The following LSAMP variants were observed in gnomAD, a reference collection of about 807,000 sequenced individuals.
LSAMP encodes the protein limbic system-associated membrane protein.
In LSAMP, 7 loss-of-function variants were observed where a neutral mutation model predicts 38.6. The ratio of observed to expected loss-of-function variants is 0.18; its 90% confidence interval spans 0.10 to 0.34. The LOEUF (loss-of-function observed/expected upper bound fraction) is 0.34, where lower values mean the gene tolerates loss of function less well. LSAMP is among the 10% of genes least tolerant of loss of function. LSAMP has a pLI of 1.00. For synonymous variants in LSAMP, 154 were observed against 166.8 expected (o/e 0.92, Z 0.59); for missense variants, 313 against 420.0 (o/e 0.75, Z 2.23).
chr3:115,810,518 C>T, intron 6 of LSAMP, 104 bp from the exon 7 acceptor site: 1 of 771,484 alleles, frequency 1.3e-6, no homozygotes. Flanking sequence ...TGGCCAGGTA[C>T]TAGCATCTCA....
chr3:115,933,061 G>C (rs1937606656), intron 3 of LSAMP, among the ~76,000 whole-genome samples: 2 of 152,180 alleles, frequency 1.3e-5, no homozygotes, highest in South Asian at 2.1e-4. Context: ...TAAGCGAAGT[G>C]AGAGCTAGCA....
At chr3:116,284,019 TAAATA>T (rs2047163048) in intron 1 of LSAMP, among the ~76,000 whole-genome samples, 1 of 152,018 alleles carries the variant, frequency 6.6e-6, no homozygotes, top group African/African-American at 2.4e-5. Flanking sequence ...AAAAAATAAA[TAAATA>T]AAATTAAAAA....
intron 6 of LSAMP, among the ~76,000 whole-genome samples, chr3:115,839,749 A>C (rs1470599700): frequency 6.6e-6 from 1 of 152,238 alleles, no homozygotes. Flanking sequence ...TGGGACCACC[A>C]GGAAGTACAT....
intron 3 of LSAMP, among the ~76,000 whole-genome samples, chr3:115,997,391 TAGTGAC>T (rs1257322002): frequency 6.6e-6 from 1 of 151,746 alleles, no homozygotes; most frequent in African/African-American, 2.4e-5. Context: ...AACTTTCAAA[TAGTGAC>T]AGTGCTACAA....
At chr3:116,113,149 T>G (rs1255415227) in intron 1 of LSAMP, among the ~76,000 whole-genome samples, 4 of 151,730 alleles carry the variant, frequency 2.6e-5, no homozygotes, top group Admixed American at 6.6e-5. Context: ...GAGCACCTAC[T>G]AAAGAATCAG....
intron 1 of LSAMP, among the ~76,000 whole-genome samples, chr3:116,431,787 C>T (rs969649249): frequency 1.3e-5 from 2 of 151,938 alleles, no homozygotes; most frequent in Non-Finnish European, 2.9e-5. Flanking sequence ...ATTAAGCATG[C>T]TCATTAACAA....
intron 1 of LSAMP, among the ~76,000 whole-genome samples, chr3:116,195,718 G>GAAAA (rs10631420): frequency 5.7e-5 from 8 of 139,628 alleles, no homozygotes; most frequent in African/African-American, 2.1e-4. Flanking sequence ...AAAAAAAAAT[G>GAAAA]AAAAAAAAAA....
At chr3:115,923,585 C>T (rs1193855930) in intron 3 of LSAMP, among the ~76,000 whole-genome samples, 1 of 152,194 alleles carries the variant, frequency 6.6e-6, no homozygotes, top group East Asian at 1.9e-4. Context: ...AGATGCTTAA[C>T]ATATTTTTGA....
intron 3 of LSAMP, among the ~76,000 whole-genome samples, chr3:116,015,187 G>C (rs1275828647): frequency 6.6e-6 from 1 of 152,168 alleles, no homozygotes; most frequent in East Asian, 1.9e-4. Context: ...TCAGCCTAAA[G>C]GGTTAAATCC....
intron 3 of LSAMP, among the ~76,000 whole-genome samples, chr3:115,926,564 C>T (rs1937503888): frequency 6.6e-6 from 1 of 152,152 alleles, no homozygotes; most frequent in Non-Finnish European, 1.5e-5. Context: ...AAAATAGGCA[C>T]ACTCAGCTTC....
intron 1 of LSAMP, among the ~76,000 whole-genome samples, chr3:116,241,330 G>T (rs1490227727): frequency 6.6e-6 from 1 of 152,100 alleles, no homozygotes; most frequent in Admixed American, 6.5e-5. Context: ...ACTTTGGGAG[G>T]CTGAGACAGG....
intron 1 of LSAMP, among the ~76,000 whole-genome samples, chr3:116,429,045 T>G (rs188740818): frequency 6.6e-6 from 1 of 152,314 alleles, no homozygotes; most frequent in East Asian, 1.9e-4. Context: ...CTGAGCTATT[T>G]CAAAACTGTT....
In LSAMP at chr3:116,127,729, C is replaced by A. The variant is rs940940549; in HGVS notation, c.156-41173G>T. On this transcript the variant is annotated intron_variant, in intron 1 of 6. Coordinates refer to ENST00000490035, the MANE Select transcript of LSAMP (RefSeq NM_002338.5). ...TTTTTTTTTTTTTTTTTTGGTAGAC[C>A]TGTTGGATCACGAGGCAAATAGTAC... Among the ~76,000 whole-genome samples the A allele has an allele frequency of 3.2e-5, 4 of 126,778 alleles. No homozygotes were observed. The Admixed American group carries it at 3.6e-4, about 11-fold the overall frequency. 83.2% of individuals were successfully genotyped at this position (126,778 alleles called of 152,430 possible).
intron 1 of LSAMP, among the ~76,000 whole-genome samples, chr3:116,368,842 T>C (rs2048392738): frequency 6.6e-6 from 1 of 152,188 alleles, no homozygotes; most frequent in African/African-American, 2.4e-5. Context: ...CTTCCCTTTT[T>C]AAACTTTTAG....
chr3:115,895,225 CTG>C (rs773976592), intron 3 of LSAMP, among the ~76,000 whole-genome samples: 7 of 152,012 alleles, frequency 4.6e-5, no homozygotes, highest in Non-Finnish European at 1.0e-4. Flanking sequence ...AATCTCTTGA[CTG>C]TGAATTGTGA....
chr3:116,295,356 C>T (rs779236099), intron 1 of LSAMP, among the ~76,000 whole-genome samples: 3 of 152,166 alleles, frequency 2.0e-5, no homozygotes, highest in South Asian at 2.1e-4. Context: ...ATTTCAATAT[C>T]GGGTGACATT....
chr3:115,874,250 C>T (rs111449233), intron 3 of LSAMP, among the ~76,000 whole-genome samples: 1 of 152,040 alleles, frequency 6.6e-6, no homozygotes, highest in Non-Finnish European at 1.5e-5. Flanking sequence ...TTTCTGGGTT[C>T]CTTCTCCTCA....
At chr3:115,954,868 C>CTT (rs1196790040) in intron 3 of LSAMP, among the ~76,000 whole-genome samples, 4 of 152,072 alleles carry the variant, frequency 2.6e-5, no homozygotes, top group African/African-American at 9.7e-5. Context: ...TCCCCTTAGT[C>CTT]TTTGGTAATT....
intron 1 of LSAMP, among the ~76,000 whole-genome samples, chr3:116,247,018 C>T (rs752229862): frequency 2.1e-4 from 32 of 151,998 alleles, no homozygotes; most frequent in Non-Finnish European, 3.7e-4. Context: ...GATAAAGACA[C>T]GGTCAGGAGA....
Sources: gnomAD v4.1 joint callset for allele counts (sites outside exome capture counted in the v4.1 genomes callset) on GRCh38, gnomAD v4.1.1 for gene constraint, MANE v1.5 for transcripts, NCBI Gene and HGNC (gene_info 2026-07-23, HGNC 2026-07-21) for gene names.